Variants in NIPA2 observed in about 807,000 individuals in gnomAD.
NIPA2 encodes magnesium transporter NIPA2.
NIPA2 carries 11 observed loss-of-function variants against 29.7 expected under a neutral mutation model. The observed-to-expected ratio is 0.37, with a 90% confidence interval of 0.23 to 0.61. The LOEUF is 0.61. Ranked by LOEUF, NIPA2 falls within the 20% of genes least tolerant of loss-of-function variation. The pLI, the probability that NIPA2 is intolerant of heterozygous loss-of-function variation, is 0.66. For missense variants in NIPA2, 426 were observed against 437.9 expected, an observed-to-expected ratio of 0.97 and a Z score of 0.24; for synonymous variants, 183 against 161.9, an observed-to-expected ratio of 1.13 and a Z score of -0.99.
At chr15:22,846,996 C>G (rs1030941319) in intron 3 of NIPA2, among the ~76,000 whole-genome samples, 1 of 151,170 alleles carries the variant, frequency 6.6e-6, no homozygotes, top group Admixed American at 6.6e-5. Context: ...CTCTGCCTCC[C>G]GGGTTCAAGC....
At position 22,866,693 on chromosome 15, in the gene NIPA2, C is replaced by CT; in HGVS notation, c.930dup (p.Val311CysfsTer16). 6.2e-7 allele frequency: 1 copy of CT among 1,614,066 alleles called. No homozygotes were observed. Among genetic ancestry groups the CT allele is most frequent in the Middle Eastern group, 1.7e-4 (1 of 6,054 alleles). Reference sequence around the variant, plus strand: ...GTCAGCTTTAGTCTAGCAAGTCTGCCTGTGTCTTTTCGAAAAGACGAGAAA... The same window carrying CT: ...GTCAGCTTTAGTCTAGCAAGTCTGCCTTGTGTCTTTTCGAAAAGACGAGAAA... On this transcript the variant is annotated frameshift_variant, in exon 8 of 8. Transcript: ENST00000337451. LOFTEE classifies it high-confidence loss of function.
intron 2 of NIPA2, among the ~76,000 whole-genome samples, chr15:22,843,233 G>A (rs756023918): frequency 1.3e-5 from 2 of 152,016 alleles, no homozygotes; most frequent in African/African-American, 4.8e-5. Context: ...GGCCAGGTGC[G>A]GTGGCTCACG....
intron 4 of NIPA2, among the ~76,000 whole-genome samples, chr15:22,852,657 A>C (rs980856435): frequency 1.3e-5 from 2 of 152,088 alleles, no homozygotes; most frequent in Non-Finnish European, 2.9e-5. Context: ...GAAATCACTG[A>C]CAAGTCACAA....
At chr15:22,863,840 ATTTTGGCCC>A (rs778141613) in intron 7 of NIPA2, among the ~76,000 whole-genome samples, 1 of 151,976 alleles carries the variant, frequency 6.6e-6, no homozygotes, top group Non-Finnish European at 1.5e-5. Context: ...TTTTCTCTGG[ATTTTGGCCC>A]TTTAAGTCCT....
chr15:22,853,203 C>T lies in NIPA2; in HGVS notation c.140-9C>T, dbSNP rs369046879. The T allele has an allele frequency of 2.5e-5, 40 of 1,588,066 alleles. No individual in the cohort carries two copies. The highest frequency in any genetic ancestry group is 3.1e-5 in the Non-Finnish European group (36 of 1,157,018). On this transcript the variant is annotated splice_polypyrimidine_tract_variant and intron_variant, in intron 4 of 7. Transcript: ENST00000337451. Reference sequence around the variant, plus strand: ...CTTCCAAAGATGTGAAATATTTCTTCATTCACAGGTCAAGGTGGCCATGCA... The same window carrying T: ...CTTCCAAAGATGTGAAATATTTCTTTATTCACAGGTCAAGGTGGCCATGCA...
At chr15:22,864,590 C>G (rs974769889) in intron 7 of NIPA2, among the ~76,000 whole-genome samples, 9 of 152,302 alleles carry the variant, frequency 5.9e-5, no homozygotes, top group African/African-American at 2.2e-4. Context: ...TTGACCTCAG[C>G]TTCCTGGAAC....
At chr15:22,845,915 A>G (rs1898501292) in intron 3 of NIPA2, among the ~76,000 whole-genome samples, 1 of 152,188 alleles carries the variant, frequency 6.6e-6, no homozygotes, top group Non-Finnish European at 1.5e-5. Flanking sequence ...AGCATCATGA[A>G]ACTTTATGTA....
At chr15:22,862,898 C>CTTTTTT (rs59317671) in intron 7 of NIPA2, among the ~76,000 whole-genome samples, 3 of 110,284 alleles carry the variant, frequency 2.7e-5, no homozygotes, top group South Asian at 3.1e-4. Context: ...TGCCTTTATT[C>CTTTTTT]TTTTTTTTTT....
intron 2 of NIPA2, among the ~76,000 whole-genome samples, chr15:22,841,976 A>G (rs929697858): frequency 4.6e-5 from 7 of 152,130 alleles, no homozygotes; most frequent in African/African-American, 1.7e-4. Flanking sequence ...CTCAAGTGTT[A>G]CTGCTCAGCA....
In NIPA2 at chr15:22,853,283, C is replaced by A. The variant is rs765849213; in HGVS notation, c.196+15C>A. The A allele has an allele frequency of 1.3e-6, 2 of 1,561,028 alleles. No homozygotes were observed. Among genetic ancestry groups the A allele is most frequent in the South Asian group, 1.1e-5 (1 of 88,126 alleles). On this transcript the variant is annotated intron_variant, in intron 5 of 7. Transcript: ENST00000337451. ...ACTGCTGTCAAGTATGTATAAAGAA[C>A]ATTGCAAGAAAAATATGATAGCTAT... is the stretch of plus-strand genomic sequence containing the variant.
chr15:22,851,168 G>C (rs1416485545), intron 3 of NIPA2, among the ~76,000 whole-genome samples: 3 of 152,120 alleles, frequency 2.0e-5, no homozygotes, highest in Admixed American at 1.3e-4. Context: ...GCACATCCCT[G>C]AATAGGCTAA....
chr15:22,841,839 C>T (rs909574918), intron 2 of NIPA2, among the ~76,000 whole-genome samples: 2 of 152,150 alleles, frequency 1.3e-5, no homozygotes, highest in Non-Finnish European at 2.9e-5. Flanking sequence ...ATGTATCTCA[C>T]CTGCCCTCAC....
chr15:22,851,525 G>A (rs1287640914), intron 3 of NIPA2, 114 bp from the exon 4 acceptor site: 1 of 338,808 alleles, frequency 3.0e-6, no homozygotes, highest in African/African-American at 2.1e-5. Flanking sequence ...ATCAATATTA[G>A]TAATGAAGGA....
intron 5 of NIPA2, among the ~76,000 whole-genome samples, chr15:22,853,897 G>A (rs958486956): frequency 6.6e-6 from 1 of 151,842 alleles, no homozygotes; most frequent in Non-Finnish European, 1.5e-5. Flanking sequence ...GGCCCATCTC[G>A]GCTCACTGCA....
intron 6 of NIPA2, among the ~76,000 whole-genome samples, chr15:22,859,284 CTTTTTCT>C (rs1341113948): frequency 1.4e-5 from 2 of 138,898 alleles, no homozygotes; most frequent in East Asian, 2.2e-4. Context: ...GAGTAGATTT[CTTTTTCT>C]TTTTTTTTTT....
intron 7 of NIPA2, among the ~76,000 whole-genome samples, chr15:22,861,561 C>T (rs907225464): frequency 2.0e-5 from 3 of 152,104 alleles, no homozygotes; most frequent in Admixed American, 6.5e-5. Flanking sequence ...TTGTGACCAC[C>T]GTCTTCTCAT....
At position 22,851,880 on chromosome 15, in the gene NIPA2, G is replaced by A. The variant is rs370584788; in HGVS notation, c.139+10G>A. On this transcript the variant is annotated intron_variant, in intron 4 of 7. Coordinates refer to ENST00000337451, the MANE Select transcript of NIPA2 (RefSeq NM_030922.7). ...GGCTCTATGAGAGCAGGTAGGTTATGCCTTATGTGACTTTGAAGTGACCTC... is the reference window on the plus strand; with the variant it reads ...GGCTCTATGAGAGCAGGTAGGTTATACCTTATGTGACTTTGAAGTGACCTC... 1.6e-5 allele frequency: 25 copies of A among 1,610,080 alleles called. No individual in the cohort carries two copies. Among genetic ancestry groups the A allele is most frequent in the Non-Finnish European group, 2.1e-5 (25 of 1,178,586 alleles).
At chr15:22,846,902 G>GT (rs369610282) in intron 3 of NIPA2, among the ~76,000 whole-genome samples, 21,709 of 141,466 alleles carry the variant, frequency 0.15, 1,952 homozygotes, top group Admixed American at 0.26. Flanking sequence ...TTTTGTTGTT[G>GT]TTTTTTTTTT....
intron 5 of NIPA2, 101 bp downstream of exon 5, chr15:22,853,369 A>G: frequency 1.4e-6 from 1 of 696,824 alleles, no homozygotes; most frequent in Non-Finnish European, 2.3e-6. Flanking sequence ...AAAGGTTTAA[A>G]TAATCTTTTT....
Sources: allele counts gnomAD v4.1 joint callset (sites outside exome capture counted in the v4.1 genomes callset), GRCh38; gene constraint gnomAD v4.1.1; transcripts MANE v1.5; gene names NCBI Gene and HGNC (gene_info 2026-07-23, HGNC 2026-07-21).